DZANK1: variants seen among roughly 807,000 people sequenced by gnomAD.
DZANK1 encodes double zinc ribbon and ankyrin repeat domains 1.
Under a neutral mutation model 94.5 loss-of-function variants are expected in DZANK1, and 91 were observed. That is an observed-to-expected ratio of 0.96 (90% CI 0.81 to 1.15). The LOEUF (loss-of-function observed/expected upper bound fraction) is 1.15, where lower values mean the gene tolerates loss of function less well. Among genes scored for constraint, DZANK1 ranks in the 50% most tolerant of loss-of-function variants. DZANK1 has a pLI of 0.00. For missense variants in DZANK1, 903 were observed against 916.4 expected (o/e 0.99, Z 0.19); for synonymous variants, 312 against 325.3 (o/e 0.96, Z 0.44).
At chr20:18,420,329 C>G (rs2057717016) in intron 10 of DZANK1, 1 of 174,330 alleles carries the variant, frequency 5.7e-6, no homozygotes, top group African/African-American at 2.4e-5. Flanking sequence ...CATGGAGACC[C>G]CACTGCAGGG....
intron 9 of DZANK1, among the ~76,000 whole-genome samples, chr20:18,427,606 G>GGTGTGTGTGTGTGTGTGTGT (rs11474236): frequency 4.0e-5 from 6 of 148,692 alleles, no homozygotes; most frequent in African/African-American, 1.5e-4. Context: ...TGTAAGGTTG[G>GGTGTGTGTGTGTGTGTGTGT]GTGTGTGTGT....
chr20:18,439,737 T>C (rs1008027649), intron 8 of DZANK1, among the ~76,000 whole-genome samples: 1 of 152,172 alleles, frequency 6.6e-6, no homozygotes, highest in Non-Finnish European at 1.5e-5. Context: ...CTTGATATCT[T>C]AGTGATGGAA....
At chr20:18,385,193 C>CTTAA in intron 19 of DZANK1, 103 bp from the exon 20 acceptor site, 1 of 1,055,794 alleles carries the variant, frequency 9.5e-7, no homozygotes, top group Non-Finnish European at 1.4e-6. Context: ...CACCGACCTA[C>CTTAA]TTAACTAACC....
intron 7 of DZANK1, among the ~76,000 whole-genome samples, chr20:18,445,218 A>G (rs1019226453): frequency 6.6e-6 from 1 of 152,238 alleles, no homozygotes; most frequent in Non-Finnish European, 1.5e-5. Context: ...GTTTCTGAGC[A>G]AAGAATATTA....
At chr20:18,404,377 T>C (rs977055048) in intron 13 of DZANK1, among the ~76,000 whole-genome samples, 1 of 152,166 alleles carries the variant, frequency 6.6e-6, no homozygotes, top group African/African-American at 2.4e-5. Flanking sequence ...AAGAGAGCCC[T>C]GCCAAACCAC....
chr20:18,427,247 C>T lies in DZANK1; in HGVS notation c.862-88G>A, dbSNP rs142381677. On this transcript the variant is annotated intron_variant, in intron 9 of 20. Transcript: ENST00000262547. ...CAACCAGTCTTTTCTGTCAGTCATT[C>T]AGCTACAGGCCCTATTACTGCACCC... 4.4e-3 allele frequency: 4,228 copies of T among 969,964 alleles called. 17 individuals are homozygous for T. Among genetic ancestry groups the T allele is most frequent in the Non-Finnish European group, 5.7e-3 (3,663 of 644,014 alleles). 60.1% of individuals were successfully genotyped at this position (969,964 alleles called of 1,614,324 possible). A position where few individuals can be genotyped will look rare whatever the true frequency, so the allele number is the denominator to read the frequency against.
rs758350787 is a variant in DZANK1, at chr20:18,384,399, C to T, written c.2259G>A (p.Ter753=). 14 of 1,609,042 alleles carry T rather than the reference C, an allele frequency of 8.7e-6. No individual in the cohort carries two copies. The East Asian group carries it at 2.9e-4, about 33-fold the overall frequency. The change falls in exon 21 of 21, where the codon TAG becomes TAA. Residue 753 remains the stop codon, a stop_retained_variant. Transcript: ENST00000262547. ...ATGAAGTCCCGTGGAGGCCTCAGGG[C>T]TAACAGTCATCCAGGCTGAGGCTCC...
At chr20:18,423,197 A>T (rs1035419368) in intron 10 of DZANK1, among the ~76,000 whole-genome samples, 1 of 152,212 alleles carries the variant, frequency 6.6e-6, no homozygotes, top group Non-Finnish European at 1.5e-5. Context: ...GGTATGCAGT[A>T]GGCTATACCA....
At chr20:18,417,990 G>T (rs866044474) in intron 10 of DZANK1, among the ~76,000 whole-genome samples, 2 of 152,078 alleles carry the variant, frequency 1.3e-5, no homozygotes, top group Non-Finnish European at 2.9e-5. Flanking sequence ...GGAAGCTGAG[G>T]CAGGAGAATC....
chr20:18,418,253 G>C (rs1182489697), intron 10 of DZANK1, among the ~76,000 whole-genome samples: 2 of 152,132 alleles, frequency 1.3e-5, no homozygotes, highest in Non-Finnish European at 2.9e-5. Flanking sequence ...ATGTGAAGCG[G>C]TGGGCACAAG....
chr20:18,410,792 C>T (rs905284286), intron 13 of DZANK1, among the ~76,000 whole-genome samples: 3 of 152,046 alleles, frequency 2.0e-5, no homozygotes, highest in African/African-American at 4.8e-5. Context: ...TCTACAAAAA[C>T]GTTTAAAAAT....
At chr20:18,396,568 GA>G (rs2056354253) in intron 14 of DZANK1, 22 bp from the exon 15 acceptor site, 2 of 1,595,748 alleles carry the variant, frequency 1.3e-6, no homozygotes, top group Admixed American at 3.4e-5. Flanking sequence ...GTTGTAGAGA[GA>G]ATTCATAACT....
intron 6 of DZANK1, among the ~76,000 whole-genome samples, chr20:18,449,491 C>A (rs2088943281): frequency 6.6e-6 from 1 of 151,942 alleles, no homozygotes; most frequent in African/African-American, 2.4e-5. Context: ...TGAGAGTTTA[C>A]AATAAAAGAT....
rs2059487006 is a variant in DZANK1 at position 18,461,924 on chromosome 20, TTC to T, written c.110-1620_110-1619del. On this transcript the variant is annotated intron_variant, in intron 2 of 20. Coordinates refer to ENST00000262547, the Ensembl canonical transcript of DZANK1. ...CAGCATTTGTAATCTTGATTAATAT[TTC>T]CAAACTGCCCTCCATGGATGGTTAA... Among the ~76,000 whole-genome samples, 4 of 151,976 alleles carry T rather than the reference TTC, an allele frequency of 2.6e-5. No individual in the cohort carries two copies. The South Asian group carries it at 8.3e-4, about 32-fold the overall frequency.
At chr20:18,396,979 A>G (rs1276885276) in intron 14 of DZANK1, among the ~76,000 whole-genome samples, 2 of 152,196 alleles carry the variant, frequency 1.3e-5, no homozygotes, top group Non-Finnish European at 2.9e-5. Context: ...GTAAGTAGCA[A>G]TAGGAATTTA....
At chr20:18,415,435 C>T (rs1015628759) in exon 11 of DZANK1, 2 of 1,550,900 alleles carry the variant, frequency 1.3e-6, no homozygotes, top group Non-Finnish European at 1.7e-6. Context: ...GGGCTTTATC[C>T]CCACTGCACA....
chr20:18,400,798 G>C (rs532475890), intron 13 of DZANK1, among the ~76,000 whole-genome samples: 5 of 152,298 alleles, frequency 3.3e-5, no homozygotes, highest in Admixed American at 3.3e-4. Context: ...CTAGGGCTAG[G>C]ATACAGAAGT....
At chr20:18,438,250 A>G (rs1339117518) in intron 8 of DZANK1, among the ~76,000 whole-genome samples, 1 of 70,234 alleles carries the variant, frequency 1.4e-5, no homozygotes, top group Non-Finnish European at 4.0e-5. Context: ...GAAATAACAC[A>G]AAAGAAAGCA....
At chr20:18,434,354 G>A (rs897449375) in intron 8 of DZANK1, among the ~76,000 whole-genome samples, 9 of 151,978 alleles carry the variant, frequency 5.9e-5, no homozygotes, top group African/African-American at 1.9e-4. Flanking sequence ...AGACCAGCCT[G>A]GTCAACATAG....
Sources: gnomAD v4.1 joint callset for allele counts (sites outside exome capture counted in the v4.1 genomes callset) on GRCh38, gnomAD v4.1.1 for gene constraint, MANE v1.5 for transcripts, NCBI Gene and HGNC (gene_info 2026-07-23, HGNC 2026-07-21) for gene names.